The following NCOA7 variants were observed in gnomAD, a reference collection of about 807,000 sequenced individuals.
NCOA7 encodes the protein 140 kDa estrogen receptor-associated protein.
Under a neutral mutation model 104.3 loss-of-function variants are expected in NCOA7, and 45 were observed. The observed-to-expected ratio is 0.43, with a 90% CI of 0.34 to 0.55. NCOA7 has a LOEUF of 0.55. NCOA7 is among the 20% of genes least tolerant of loss of function. The pLI, the probability that NCOA7 is intolerant of heterozygous loss-of-function variation, is 0.02. For missense variants in NCOA7, 1,041 were observed against 1,119.7 expected, an observed-to-expected ratio of 0.93 and a Z score of 1.00; for synonymous variants, 398 against 402.3, an observed-to-expected ratio of 0.99 and a Z score of 0.13.
intron 2 of NCOA7, among the ~76,000 whole-genome samples, chr6:125,850,721 C>G (rs1426691671): frequency 6.6e-6 from 1 of 152,190 alleles, no homozygotes; most frequent in Non-Finnish European, 1.5e-5. Context: ...CTCTTTTCAT[C>G]TAGAAGGAAT....
At chr6:125,855,473 T>A (rs1010272944) in intron 3 of NCOA7, 11 of 407,684 alleles carry the variant, frequency 2.7e-5, no homozygotes, top group Non-Finnish European at 4.9e-5. Flanking sequence ...ATGTATTGTG[T>A]ACTACTAAAC....
intron 3 of NCOA7, among the ~76,000 whole-genome samples, chr6:125,860,472 C>T (rs1247840577): frequency 3.9e-5 from 6 of 151,910 alleles, no homozygotes; most frequent in East Asian, 1.9e-4. Context: ...CTCAGCTTCC[C>T]GAGTAGATGA....
At chr6:125,850,747 G>A (rs1263009048) in intron 2 of NCOA7, among the ~76,000 whole-genome samples, 4 of 152,176 alleles carry the variant, frequency 2.6e-5, no homozygotes, top group African/African-American at 9.7e-5. Context: ...TCGGAAGGGG[G>A]CAACAAAGTT....
chr6:125,801,790 C>T (rs1775911207), intron 1 of NCOA7, among the ~76,000 whole-genome samples: 1 of 152,198 alleles, frequency 6.6e-6, no homozygotes, highest in Non-Finnish European at 1.5e-5. Flanking sequence ...GGATTCCAGT[C>T]ATACTGGATT....
At chr6:125,928,609 C>T (rs1583573235) in intron 15 of NCOA7, 27 bp from the exon 16 acceptor site, 4 of 1,472,260 alleles carry the variant, frequency 2.7e-6, no homozygotes, top group East Asian at 4.6e-5. Context: ...GTGTTTTTAC[C>T]TTTTTTTTTT....
intron 3 of NCOA7, among the ~76,000 whole-genome samples, chr6:125,873,383 GTT>G (rs953256745): frequency 7.9e-5 from 12 of 151,728 alleles, no homozygotes; most frequent in Non-Finnish European, 1.6e-4. Flanking sequence ...TTATTTATGT[GTT>G]TTTTTTAGTG....
chr6:125,912,676 A>G (rs560887826), intron 10 of NCOA7, among the ~76,000 whole-genome samples: 1 of 152,348 alleles, frequency 6.6e-6, no homozygotes, highest in African/African-American at 2.4e-5. Flanking sequence ...ATGTTCTGCT[A>G]CTTGAGATAA....
chr6:125,847,595 G>T (rs1780737749), intron 2 of NCOA7, among the ~76,000 whole-genome samples: 1 of 152,086 alleles, frequency 6.6e-6, no homozygotes, highest in Admixed American at 6.6e-5. Context: ...ATTATGTGTG[G>T]CTAATATGTA....
At chr6:125,861,288 TG>T (rs1283333197) in intron 3 of NCOA7, among the ~76,000 whole-genome samples, 2 of 152,218 alleles carry the variant, frequency 1.3e-5, no homozygotes, top group African/African-American at 4.8e-5. Flanking sequence ...TTTTTCTTAA[TG>T]TTTTTTTTCC....
At chr6:125,911,808 C>G (rs1346423816) in intron 10 of NCOA7, among the ~76,000 whole-genome samples, 1 of 152,172 alleles carries the variant, frequency 6.6e-6, no homozygotes, top group African/African-American at 2.4e-5. Flanking sequence ...GGAACCCGGT[C>G]CATGGTTGGG....
upstream of NCOA7, among the ~76,000 whole-genome samples, chr6:125,786,873 G>A (rs1774492882): frequency 6.6e-6 from 1 of 152,170 alleles, no homozygotes; most frequent in Non-Finnish European, 1.5e-5. Context: ...TAGGCCAGGC[G>A]CAGGGGCTCA....
At chr6:125,914,410 A>C (rs1200275877) in intron 10 of NCOA7, among the ~76,000 whole-genome samples, 1 of 152,184 alleles carries the variant, frequency 6.6e-6, no homozygotes, top group Non-Finnish European at 1.5e-5. Flanking sequence ...GAATGTAGAA[A>C]CCTTAAAAAT....
chr6:125,840,840 A>G (rs1230605219), intron 2 of NCOA7, among the ~76,000 whole-genome samples: 1 of 76,898 alleles, frequency 1.3e-5, no homozygotes, highest in African/African-American at 6.0e-5. Flanking sequence ...TTTTTATTTT[A>G]CCTTTTATGG....
chr6:125,801,857 G>A (rs1040649297), intron 1 of NCOA7, among the ~76,000 whole-genome samples: 3 of 152,202 alleles, frequency 2.0e-5, no homozygotes, highest in African/African-American at 7.2e-5. Flanking sequence ...TTCCAAATAA[G>A]ATCACATTCT....
rs1455147914 is a variant in NCOA7, at chr6:125,826,997, A to G, written c.50+11593A>G. Among the ~76,000 whole-genome samples, 3 of 152,022 alleles carry G rather than the reference A, an allele frequency of 2.0e-5. No homozygotes were observed. In the East Asian group the frequency reaches 5.8e-4, roughly 29 times the overall value. ...CGGATCACCTGAGGTCAGGAGTTTG[A>G]GATCAGCCTGACCAACATGGAGAAG... On this transcript the variant is annotated intron_variant, in intron 2 of 15. Transcript: ENST00000392477.
In NCOA7 at chr6:125,919,178, G is replaced by A. The variant is rs1474175391; in HGVS notation, c.2245-1765G>A. On this transcript the variant is annotated intron_variant, in intron 11 of 15. Coordinates refer to ENST00000392477, the MANE Select transcript of NCOA7 (RefSeq NM_181782.5). ...TTGCTCTAAATCCTAATTTGGGTGT[G>A]TTCCTGTAGAAATGTTGAAACTTCT... 9 of 1,493,134 alleles carry A rather than the reference G, an allele frequency of 6.0e-6. No homozygotes were observed. In the East Asian group the frequency reaches 1.6e-4, roughly 27 times the overall value. 92.5% of individuals were successfully genotyped at this position (1,493,134 alleles called of 1,614,324 possible).
intron 10 of NCOA7, among the ~76,000 whole-genome samples, chr6:125,896,190 CTG>C (rs1785005825): frequency 6.6e-6 from 1 of 151,784 alleles, no homozygotes; most frequent in Admixed American, 6.6e-5. Context: ...TTAAAAGTAT[CTG>C]TAAAATCCTT....
At chr6:125,785,340 GA>G (rs1248728998) in intron 1 of NCOA7, among the ~76,000 whole-genome samples, 1 of 151,700 alleles carries the variant, frequency 6.6e-6, no homozygotes, top group Admixed American at 6.6e-5. Flanking sequence ...TCTGTCTCAA[GA>G]AAAAAAACTG....
At chr6:125,795,127 A>G (rs969126910) in intron 1 of NCOA7, among the ~76,000 whole-genome samples, 19 of 152,226 alleles carry the variant, frequency 1.2e-4, no homozygotes, top group African/African-American at 3.9e-4. Context: ...CATCGACATG[A>G]TAAGTTAGGC....
Sources: gnomAD v4.1 joint callset for allele counts (sites outside exome capture counted in the v4.1 genomes callset) on GRCh38, gnomAD v4.1.1 for gene constraint, MANE v1.5 for transcripts, NCBI Gene and HGNC (gene_info 2026-07-23, HGNC 2026-07-21) for gene names.